Variants in A1CF observed in about 807,000 individuals in gnomAD.
A1CF encodes APOBEC-1 stimulating protein.
A neutral mutation model predicts 68.9 loss-of-function variants in A1CF; 48 were observed. That is an observed-to-expected ratio of 0.70 (90% CI 0.55 to 0.89). The LOEUF is 0.89. A1CF is among the 40% of genes least tolerant of loss of function. A1CF has a pLI of 0.00. For missense variants in A1CF, 653 were observed against 718.9 expected, an observed-to-expected ratio of 0.91 and a Z score of 1.05; for synonymous variants, 272 against 260.4, an observed-to-expected ratio of 1.04 and a Z score of -0.43.
intron 3 of A1CF, among the ~76,000 whole-genome samples, chr10:50,858,755 T>C (rs1840603631): frequency 6.6e-6 from 1 of 152,098 alleles, no homozygotes; most frequent in Non-Finnish European, 1.5e-5. Flanking sequence ...TTCAAAAGTT[T>C]AATGAGTCTA....
At chr10:50,871,149 C>T (rs1311983300) in intron 1 of A1CF, among the ~76,000 whole-genome samples, 1 of 151,716 alleles carries the variant, frequency 6.6e-6, no homozygotes, top group Non-Finnish European at 1.5e-5. Context: ...TGAAACACCA[C>T]AATCATTTAT....
Position 50,806,759 on chromosome 10 carries a change from A to G in A1CF, c.1731T>C (p.Thr577=). 1 of 1,610,970 alleles carries G rather than the reference A, an allele frequency of 6.2e-7. No individual in the cohort carries two copies. The highest frequency in any genetic ancestry group is 1.1e-5 in the South Asian group (1 of 90,380). Residue 577 remains threonine (T), a synonymous_variant, in exon 13 of 13, where the codon ACT becomes ACC. Transcript: ENST00000373997. ...AGGTGCCATATCCATCCCCTCGGGC[A>G]GTCACTGCAAAAGTTGGGTAGACCT... ...TYEVYPTFAV[T]ARGDGYGTF is the part of the protein sequence containing the mutation.
At chr10:50,874,980 G>A (rs1841439987) in intron 1 of A1CF, among the ~76,000 whole-genome samples, 1 of 152,116 alleles carries the variant, frequency 6.6e-6, no homozygotes, top group Non-Finnish European at 1.5e-5. Context: ...AAGCTTCTCA[G>A]GTGATAACAA....
At chr10:50,827,932 A>G (rs12260777) in intron 7 of A1CF, among the ~76,000 whole-genome samples, 199 bp downstream of exon 7, 5,030 of 152,124 alleles carry the variant, frequency 0.033, 272 homozygotes, top group African/African-American at 0.11. Flanking sequence ...TCAAATAAGC[A>G]CAATAAAAAA....
chr10:50,821,312 T>A (rs1268231506), intron 7 of A1CF, among the ~76,000 whole-genome samples: 1 of 152,186 alleles, frequency 6.6e-6, no homozygotes, highest in Non-Finnish European at 1.5e-5. Context: ...TTGGAAACAA[T>A]GTAAATATCT....
chr10:50,840,276 ATT>A (rs202161491), intron 5 of A1CF, among the ~76,000 whole-genome samples: 6 of 147,606 alleles, frequency 4.1e-5, no homozygotes, highest in African/African-American at 1.5e-4. Context: ...CTAAAATACA[ATT>A]TTTTTTTTTT....
intron 1 of A1CF, among the ~76,000 whole-genome samples, chr10:50,872,330 G>A (rs1247688976): frequency 1.3e-5 from 2 of 152,138 alleles, no homozygotes; most frequent in African/African-American, 4.8e-5. Context: ...TAAAAGCTCA[G>A]TGATGTAGCT....
Position 50,819,990 on chromosome 10 carries a change from T to A in A1CF, c.867+562A>T, listed in dbSNP as rs141137617. 6.1e-3 allele frequency among the ~76,000 whole-genome samples: 922 copies of A among 152,326 alleles called. 7 individuals carry two copies. Among genetic ancestry groups the A allele is most frequent in the African/African-American group, 0.021 (860 of 41,574 alleles). ...CTTTGATTCTCTTTGTATCCTAGCA[T>A]GATAAGTGGTCTACAGAAGGTTTTA... On this transcript the variant is annotated intron_variant, in intron 8 of 12. Transcript: ENST00000373997.
chr10:50,831,650 C>G (rs1839246529), intron 6 of A1CF, among the ~76,000 whole-genome samples: 1 of 152,182 alleles, frequency 6.6e-6, no homozygotes, highest in Admixed American at 6.5e-5. Flanking sequence ...ATCACTTGAA[C>G]CCGGGAGGCA....
At chr10:50,870,132 A>C (rs887285296) in intron 1 of A1CF, among the ~76,000 whole-genome samples, 8 of 151,964 alleles carry the variant, frequency 5.3e-5, no homozygotes, top group Non-Finnish European at 1.2e-4. Flanking sequence ...CTATCACTTT[A>C]AACATTTGTC....
Position 50,802,544 on chromosome 10 carries a change from T to C in A1CF, c.*4185A>G, listed in dbSNP as rs1837640073. The C allele has an allele frequency of 6.6e-6, 1 of 152,176 alleles. No homozygotes were observed. The highest frequency in any genetic ancestry group is 1.5e-5 in the Non-Finnish European group (1 of 68,008). 9.4% of individuals were successfully genotyped at this position (152,176 alleles called of 1,614,324 possible). A position where few individuals can be genotyped will look rare whatever the true frequency, so the allele number is the denominator to read the frequency against. On this transcript the variant is annotated 3_prime_UTR_variant, in exon 13 of 13. Coordinates refer to ENST00000373997, the MANE Select transcript of A1CF (RefSeq NM_014576.4). The stretch of plus-strand genomic sequence containing the variant: ...TCTACAATACATAAAAAGTGCCAAG[T>C]TTCTAGTCTAATTTTTAGATATATT...
At chr10:50,867,127 C>G (rs910445965) in intron 1 of A1CF, among the ~76,000 whole-genome samples, 15 of 151,724 alleles carry the variant, frequency 9.9e-5, no homozygotes, top group African/African-American at 3.6e-4. Flanking sequence ...GAAAGCATAG[C>G]TTGGCAAAAA....
intron 1 of A1CF, among the ~76,000 whole-genome samples, chr10:50,869,974 A>C (rs1841172496): frequency 6.6e-6 from 1 of 151,668 alleles, no homozygotes; most frequent in Admixed American, 6.6e-5. Context: ...TGAAAATATC[A>C]TACTTTTCAT....
Position 50,801,316 on chromosome 10 carries a change from C to G in A1CF, c.*5413G>C, listed in dbSNP as rs1193332828. 3 of 152,320 alleles carry G rather than the reference C, an allele frequency of 2.0e-5. No individual in the cohort carries two copies. The highest frequency in any genetic ancestry group is 2.1e-4 in the South Asian group (1 of 4,814). The allele number at this position is 152,320 out of a possible 1,614,324, so 9.4% of individuals were successfully genotyped here. On this transcript the variant is annotated 3_prime_UTR_variant, in exon 13 of 13. Transcript: ENST00000373997. ...TAGGCTCTTTAGTTTAAGCTGTTATCTGCTTTGGAGAAGACAAAGCCAATT... is the reference window on the plus strand; with the variant it reads ...TAGGCTCTTTAGTTTAAGCTGTTATGTGCTTTGGAGAAGACAAAGCCAATT...
chr10:50,809,517 C>T (rs529599850), intron 12 of A1CF, among the ~76,000 whole-genome samples: 7 of 152,212 alleles, frequency 4.6e-5, no homozygotes, highest in East Asian at 3.9e-4. Flanking sequence ...GATATTATAA[C>T]GCTTCCTGAC....
In A1CF at chr10:50,799,596, A is replaced by G. The variant is rs1299655798; in HGVS notation, c.*7133T>C. 1 of 152,160 alleles carries G rather than the reference A, an allele frequency of 6.6e-6. No individual in the cohort carries two copies. The highest frequency in any genetic ancestry group is 1.5e-5 in the Non-Finnish European group (1 of 67,998). The allele number at this position is 152,160 out of a possible 1,614,324, so 9.4% of individuals were successfully genotyped here. ...CAAGTGAATGGTGTAATTTTACTTA[A>G]TATATTTAGATAGATCACAAAGTTC... On this transcript the variant is annotated 3_prime_UTR_variant, in exon 13 of 13. Transcript: ENST00000373997.
intron 3 of A1CF, among the ~76,000 whole-genome samples, chr10:50,853,197 C>T (rs765574036): frequency 2.0e-5 from 3 of 152,074 alleles, no homozygotes; most frequent in Non-Finnish European, 2.9e-5. Flanking sequence ...TGAAATCCAC[C>T]GACTTATCTG....
At chr10:50,835,415 A>G (rs192180824) in intron 6 of A1CF, among the ~76,000 whole-genome samples, 10 of 152,280 alleles carry the variant, frequency 6.6e-5, no homozygotes, top group African/African-American at 2.2e-4. Context: ...TATTCATTTA[A>G]AAACCTGTGT....
intron 8 of A1CF, among the ~76,000 whole-genome samples, chr10:50,817,130 A>G (rs540340781): frequency 6.6e-6 from 1 of 152,314 alleles, no homozygotes; most frequent in East Asian, 1.9e-4. Flanking sequence ...ACTAACTTCT[A>G]TGTATTGCTT....
Sources: allele counts gnomAD v4.1 joint callset (sites outside exome capture counted in the v4.1 genomes callset), GRCh38; gene constraint gnomAD v4.1.1; transcripts MANE v1.5; gene names NCBI Gene and HGNC (gene_info 2026-07-23, HGNC 2026-07-21).